The following GRM7 variants were observed in gnomAD, a reference collection of about 807,000 sequenced individuals.
GRM7 encodes the protein glutamate metabotropic receptor 7, also known as metabotropic glutamate receptor 7.
In GRM7, 35 loss-of-function variants were observed where a neutral mutation model predicts 84.5. The ratio of observed to expected loss-of-function variants is 0.41; its 90% confidence interval spans 0.32 to 0.55. GRM7 has a LOEUF of 0.55. Among genes scored for constraint, GRM7 ranks in the 20% least tolerant of loss-of-function variants. The probability of loss-of-function intolerance (pLI) is 0.19; values close to 1 mark genes in which losing one functional copy is unlikely to be tolerated. For missense variants in GRM7, 1,003 were observed against 1,194.6 expected, an observed-to-expected ratio of 0.84 and a Z score of 2.36; for synonymous variants, 487 against 455.1, an observed-to-expected ratio of 1.07 and a Z score of -0.89.
chr3:7,102,772 A>C (rs1699157914), intron 1 of GRM7, among the ~76,000 whole-genome samples: 1 of 151,740 alleles, frequency 6.6e-6, no homozygotes, highest in African/African-American at 2.4e-5. Flanking sequence ...CATTGAATAA[A>C]GTCTATTTAT....
chr3:7,628,805 A>G (rs186017700), intron 8 of GRM7, among the ~76,000 whole-genome samples: 7 of 152,234 alleles, frequency 4.6e-5, no homozygotes, highest in East Asian at 3.9e-4. Context: ...CAGCAGCCAT[A>G]TTGGTATTTG....
chr3:7,127,925 G>A (rs201980367), intron 1 of GRM7, among the ~76,000 whole-genome samples: 1,834 of 152,158 alleles, frequency 0.012, 15 homozygotes, highest in South Asian at 0.024. Flanking sequence ...ATTAAGATCA[G>A]AATGAAAAGT....
chr3:6,974,821 T>C (rs1470630288), intron 1 of GRM7, among the ~76,000 whole-genome samples: 1 of 151,856 alleles, frequency 6.6e-6, no homozygotes, highest in African/African-American at 2.4e-5. Flanking sequence ...AGAGGAAAAA[T>C]TTGGGAGTTG....
intron 7 of GRM7, among the ~76,000 whole-genome samples, chr3:7,468,826 A>G (rs988599561): frequency 6.6e-6 from 1 of 152,126 alleles, no homozygotes; most frequent in African/African-American, 2.4e-5. Flanking sequence ...GCCACCATAC[A>G]AAGAAGGTCC....
intron 7 of GRM7, among the ~76,000 whole-genome samples, chr3:7,500,558 A>C (rs1327274762): frequency 6.6e-6 from 1 of 152,230 alleles, no homozygotes; most frequent in Non-Finnish European, 1.5e-5. Context: ...AGAGGCCTGG[A>C]GGGAACTTCA....
chr3:7,387,292 A>T lies in GRM7; in HGVS notation c.1034-27731A>T, dbSNP rs55906440. On this transcript the variant is annotated intron_variant, in intron 4 of 9. Transcript: ENST00000357716. ...TGTGGGGCAGAAGCTCTTTAGTTTA[A>T]TTAAGTCCCATTTGTCTATTTTTAA... Among the ~76,000 whole-genome samples the T allele has an allele frequency of 4.3e-3, 661 of 152,212 alleles. 3 individuals are homozygous for T. Among genetic ancestry groups the T allele is most frequent in the African/African-American group, 0.015 (609 of 41,548 alleles).
intron 1 of GRM7, among the ~76,000 whole-genome samples, chr3:6,868,044 G>C (rs536320715): frequency 6.6e-6 from 1 of 152,278 alleles, no homozygotes; most frequent in Admixed American, 6.5e-5. Context: ...AATAAAAGTA[G>C]TAGTAACCAT....
chr3:7,489,432 C>A (rs1430439386), intron 7 of GRM7, among the ~76,000 whole-genome samples: 4 of 152,110 alleles, frequency 2.6e-5, no homozygotes, highest in Non-Finnish European at 5.9e-5. Flanking sequence ...TTAAATCTCA[C>A]ACAAGTACTG....
At chr3:7,318,291 A>G (rs762742492) in intron 4 of GRM7, among the ~76,000 whole-genome samples, 82 of 152,070 alleles carry the variant, frequency 5.4e-4, no homozygotes, top group Non-Finnish European at 1.0e-3. Flanking sequence ...GGGAGAAGGA[A>G]TTAAAGGCTG....
intron 1 of GRM7, among the ~76,000 whole-genome samples, chr3:6,907,360 GA>G (rs1374831634): frequency 6.6e-6 from 1 of 152,158 alleles, no homozygotes; most frequent in Non-Finnish European, 1.5e-5. Context: ...AAAATGGTTT[GA>G]AAAAGTACCG....
chr3:7,701,464 G>C (rs967680384), intron 9 of GRM7, among the ~76,000 whole-genome samples: 3 of 151,784 alleles, frequency 2.0e-5, no homozygotes. Context: ...CCACACCCAG[G>C]TGATTTTTGT....
intron 1 of GRM7, among the ~76,000 whole-genome samples, chr3:6,879,249 C>T (rs956568710): frequency 2.6e-5 from 4 of 152,124 alleles, no homozygotes; most frequent in Admixed American, 2.6e-4. Flanking sequence ...AAGTCTGATT[C>T]CAGAGCCCAC....
chr3:7,222,128 TA>T (rs111957642), intron 2 of GRM7, among the ~76,000 whole-genome samples: 26,269 of 151,756 alleles, frequency 0.17, 2,547 homozygotes, highest in African/African-American at 0.26. Flanking sequence ...CTTTAAGTCT[TA>T]AAAAAAACCA....
chr3:7,305,232 C>A (rs1292708632), intron 3 of GRM7, among the ~76,000 whole-genome samples: 3 of 151,990 alleles, frequency 2.0e-5, no homozygotes, highest in Non-Finnish European at 2.9e-5. Flanking sequence ...CACCTCTTAT[C>A]TACCTTTTAC....
chr3:7,344,565 A>G (rs1343093807), intron 4 of GRM7, among the ~76,000 whole-genome samples: 1 of 152,194 alleles, frequency 6.6e-6, no homozygotes, highest in African/African-American at 2.4e-5. Context: ...AGAAATGCCT[A>G]TGCAGATAAT....
intron 9 of GRM7, chr3:7,693,837 A>C (rs1341255092): frequency 1.8e-6 from 1 of 547,024 alleles, no homozygotes; most frequent in Non-Finnish European, 3.3e-6. Flanking sequence ...ACATCCTCTT[A>C]AAAGTCCAAC....
intron 9 of GRM7, among the ~76,000 whole-genome samples, chr3:7,735,111 T>A (rs1476405215): frequency 6.6e-6 from 1 of 152,162 alleles, no homozygotes; most frequent in Admixed American, 6.5e-5. Flanking sequence ...TCCCTCCCAG[T>A]TGAAATAGTT....
At chr3:7,077,424 G>T (rs1336216812) in intron 1 of GRM7, among the ~76,000 whole-genome samples, 4 of 152,244 alleles carry the variant, frequency 2.6e-5, no homozygotes, top group Admixed American at 2.6e-4. Flanking sequence ...TGCTTTGCAG[G>T]ACGTGGATGA....
At chr3:7,150,611 G>A (rs922233794) in intron 2 of GRM7, among the ~76,000 whole-genome samples, 1 of 152,196 alleles carries the variant, frequency 6.6e-6, no homozygotes. Flanking sequence ...ATGAGGTTTT[G>A]TAAAACAGTT....
Sources: allele counts gnomAD v4.1 joint callset (sites outside exome capture counted in the v4.1 genomes callset), GRCh38; gene constraint gnomAD v4.1.1; transcripts MANE v1.5; gene names NCBI Gene and HGNC (gene_info 2026-07-23, HGNC 2026-07-21).